The following FHOD3 variants were observed in gnomAD, a reference collection of about 807,000 sequenced individuals.
FHOD3 encodes formin homology 2 domain containing 3, also known as FH1/FH2 domain-containing protein 3.
In FHOD3, 90 loss-of-function variants were observed where a neutral mutation model predicts 173.0. The ratio of observed to expected loss-of-function variants is 0.52; its 90% confidence interval spans 0.44 to 0.62. The LOEUF (loss-of-function observed/expected upper bound fraction) is 0.62. Among genes scored for constraint, FHOD3 ranks in the 20% least tolerant of loss-of-function variants. The pLI is 0.00. For missense variants in FHOD3, 1,945 were observed against 2,034.7 expected, an observed-to-expected ratio of 0.96 and a Z score of 0.85; for synonymous variants, 828 against 823.0, an observed-to-expected ratio of 1.01 and a Z score of -0.10.
chr18:36,761,423 C>G (rs898826416), intron 27 of FHOD3, among the ~76,000 whole-genome samples: 3 of 152,176 alleles, frequency 2.0e-5, no homozygotes, highest in Non-Finnish European at 2.9e-5. Flanking sequence ...AACCCATTGA[C>G]CCTCCTGGGT....
intron 10 of FHOD3, among the ~76,000 whole-genome samples, chr18:36,633,487 G>C (rs538428425): frequency 4.4e-4 from 67 of 152,244 alleles, no homozygotes; most frequent in African/African-American, 1.5e-3. Flanking sequence ...CTTTGTACTG[G>C]CTATTGGACT....
chr18:36,614,790 A>G (rs921584745), intron 9 of FHOD3, among the ~76,000 whole-genome samples: 9 of 144,542 alleles, frequency 6.2e-5, no homozygotes, highest in Admixed American at 2.7e-4. Context: ...CTGTCTGTAT[A>G]GTTTCTGTGG....
chr18:36,662,817 A>G (rs774406983), intron 14 of FHOD3, among the ~76,000 whole-genome samples: 1 of 152,206 alleles, frequency 6.6e-6, no homozygotes, highest in Non-Finnish European at 1.5e-5. Context: ...TGGAACTTCT[A>G]TAATTGTAGC....
chr18:36,489,053 G>A (rs1160066982), intron 3 of FHOD3, among the ~76,000 whole-genome samples: 1 of 152,172 alleles, frequency 6.6e-6, no homozygotes, highest in Non-Finnish European at 1.5e-5. Context: ...AGAGGGCTAA[G>A]TAGTTTTTGC....
chr18:36,358,552 G>C (rs1200163962), intron 2 of FHOD3, among the ~76,000 whole-genome samples: 1 of 152,156 alleles, frequency 6.6e-6, no homozygotes, highest in Non-Finnish European at 1.5e-5. Flanking sequence ...CTAGTAGCTA[G>C]GGTTGCTGGG....
chr18:36,638,422 G>C (rs1600009073), intron 10 of FHOD3, among the ~76,000 whole-genome samples: 1 of 152,182 alleles, frequency 6.6e-6, no homozygotes, highest in African/African-American at 2.4e-5. Flanking sequence ...CAGGGCCTGG[G>C]AAACCACAGC....
intron 1 of FHOD3, among the ~76,000 whole-genome samples, chr18:36,350,233 G>T (rs2046059027): frequency 6.6e-6 from 1 of 152,134 alleles, no homozygotes. Context: ...AGGCGGAGTG[G>T]CACAAAATCC....
intron 5 of FHOD3, among the ~76,000 whole-genome samples, chr18:36,567,896 A>C (rs927969291): frequency 6.6e-6 from 1 of 152,046 alleles, no homozygotes; most frequent in African/African-American, 2.4e-5. Context: ...GTGGGGTGGA[A>C]ACTCACTCAC....
chr18:36,496,113 C>G (rs1273183660), intron 3 of FHOD3, among the ~76,000 whole-genome samples: 1 of 152,180 alleles, frequency 6.6e-6, no homozygotes, highest in African/African-American at 2.4e-5. Flanking sequence ...GGATGCAACA[C>G]AAATGGAATG....
At chr18:36,684,401 T>C (rs567890882) in intron 15 of FHOD3, among the ~76,000 whole-genome samples, 14 of 152,242 alleles carry the variant, frequency 9.2e-5, no homozygotes, top group African/African-American at 3.4e-4. Flanking sequence ...AGGACATAGA[T>C]ATTATACATT....
At chr18:36,299,367 C>T (rs2091896856) in intron 1 of FHOD3, among the ~76,000 whole-genome samples, 3 of 152,198 alleles carry the variant, frequency 2.0e-5, no homozygotes, top group Admixed American at 6.5e-5. Context: ...TGATCAGAAT[C>T]ACTTTTGTAA....
chr18:36,646,535 C>G (rs930528799), intron 10 of FHOD3, among the ~76,000 whole-genome samples: 1 of 152,122 alleles, frequency 6.6e-6, no homozygotes, highest in Non-Finnish European at 1.5e-5. Context: ...CAGAAATCTA[C>G]AAATATATAT....
At chr18:36,444,142 G>A (rs796220844) in intron 3 of FHOD3, among the ~76,000 whole-genome samples, 40 of 135,226 alleles carry the variant, frequency 3.0e-4, no homozygotes, top group African/African-American at 1.1e-3. Flanking sequence ...GCAGTGAGCC[G>A]AGATCATGCC....
intron 27 of FHOD3, among the ~76,000 whole-genome samples, chr18:36,769,029 G>A (rs1347263435): frequency 6.6e-6 from 1 of 152,174 alleles, no homozygotes; most frequent in East Asian, 1.9e-4. Flanking sequence ...TGAAATAAGT[G>A]CCCCGCGTAT....
chr18:36,612,971 T>A (rs1599872647), intron 9 of FHOD3, among the ~76,000 whole-genome samples: 1 of 151,816 alleles, frequency 6.6e-6, no homozygotes, highest in Non-Finnish European at 1.5e-5. Context: ...TATCTTTTCC[T>A]TTCTTTATGT....
intron 17 of FHOD3, among the ~76,000 whole-genome samples, chr18:36,693,882 G>T (rs2039106790): frequency 6.6e-6 from 1 of 152,086 alleles, no homozygotes; most frequent in Non-Finnish European, 1.5e-5. Context: ...GAAAATAGAA[G>T]GTAAATATGG....
intron 20 of FHOD3, among the ~76,000 whole-genome samples, chr18:36,731,181 G>A (rs546585442): frequency 3.3e-5 from 5 of 152,210 alleles, no homozygotes. Flanking sequence ...GCACATCCAT[G>A]TAAGAACTTT....
intron 6 of FHOD3, among the ~76,000 whole-genome samples, chr18:36,594,510 A>G (rs1391540442): frequency 1.3e-5 from 2 of 152,168 alleles, no homozygotes; most frequent in African/African-American, 4.8e-5. Flanking sequence ...TTCTGGAGCC[A>G]TGCGTCCTGG....
rs977546946 is a variant in FHOD3, at chr18:36,622,268, G to A, written c.958-3243G>A. 1.2e-4 allele frequency among the ~76,000 whole-genome samples: 19 copies of A among 152,084 alleles called. No individual in the cohort carries two copies. In the South Asian group the frequency reaches 1.5e-3, roughly 12 times the overall value. On this transcript the variant is annotated intron_variant, in intron 9 of 28. Transcript: ENST00000590592. ...TTATAGATATGTGCTATACCACATC[G>A]TCCCTCTAGTTAACAATAATGTATC...
Sources: gnomAD v4.1 joint callset for allele counts (sites outside exome capture counted in the v4.1 genomes callset) on GRCh38, gnomAD v4.1.1 for gene constraint, MANE v1.5 for transcripts, NCBI Gene and HGNC (gene_info 2026-07-23, HGNC 2026-07-21) for gene names.